The following AP2A2 variants were observed in gnomAD, a reference collection of about 807,000 sequenced individuals.
AP2A2 encodes the protein AP-2 complex subunit alpha-2.
Under a neutral mutation model 104.2 loss-of-function variants are expected in AP2A2, and 32 were observed. The ratio of observed to expected loss-of-function variants is 0.31; its 90% CI spans 0.23 to 0.41. AP2A2 has a LOEUF of 0.41. Among genes scored for constraint, AP2A2 ranks in the 10% least tolerant of loss-of-function variants. AP2A2 has a pLI of 1.00. For missense variants in AP2A2, 912 were observed against 1,261.0 expected (o/e 0.72, Z 4.19); for synonymous variants, 539 against 533.3 (o/e 1.01, Z -0.15).
chr11:953,602 C>CCCTGGCTCCGT (rs1225931439), intron 1 of AP2A2, among the ~76,000 whole-genome samples: 8 of 147,094 alleles, frequency 5.4e-5, no homozygotes, highest in Admixed American at 2.1e-4. Flanking sequence ...AGTTGGAAGT[C>CCCTGGCTCCGT]CCTGGCTCCG....
intron 1 of AP2A2, among the ~76,000 whole-genome samples, chr11:928,828 C>G (rs1307133962): frequency 1.3e-5 from 2 of 152,144 alleles, no homozygotes; most frequent in African/African-American, 4.8e-5. Context: ...GATGGCCTCT[C>G]ATCAGCTGCA....
chr11:993,466 C>A lies in AP2A2; in HGVS notation c.1550+85C>A. 2 of 1,134,420 alleles carry A rather than the reference C, an allele frequency of 1.8e-6. No homozygotes were observed. The highest frequency in any genetic ancestry group is 2.4e-6 in the Non-Finnish European group (2 of 823,000). The allele number at this position is 1,134,420 out of a possible 1,614,324, so 70.3% of individuals were successfully genotyped here. ...TGGCAAGAGGCGAGGCACCAGCTGG[C>A]CCTGCCGTGAGGCCTCGCAGAGCCG... On this transcript the variant is annotated intron_variant, in intron 12 of 21. Transcript: ENST00000448903. The surrounding 1 kb of genome is among the most constrained non-coding windows in gnomAD (Gnocchi z 8.2).
intron 9 of AP2A2, 68 bp from the exon 10 acceptor site, chr11:988,484 T>G: frequency 6.4e-7 from 1 of 1,570,534 alleles, no homozygotes; most frequent in Non-Finnish European, 8.6e-7. Context: ...GTGCCGAGCC[T>G]GTCCCCAGCC....
intron 1 of AP2A2, among the ~76,000 whole-genome samples, chr11:945,292 G>A (rs1853795369): frequency 6.6e-6 from 1 of 152,136 alleles, no homozygotes; most frequent in African/African-American, 2.4e-5. Flanking sequence ...TCCTGTCTAG[G>A]ATGTGGGCTG....
At chr11:926,155 G>A in intron 1 of AP2A2, 67 bp downstream of exon 1, 1 of 1,120,918 alleles carries the variant, frequency 8.9e-7, no homozygotes, top group Non-Finnish European at 1.1e-6. Flanking sequence ...TGGGAGCGGA[G>A]GCCCGGGGCG....
At chr11:971,332 G>C (rs963076878) in intron 3 of AP2A2, among the ~76,000 whole-genome samples, 11 of 152,228 alleles carry the variant, frequency 7.2e-5, no homozygotes, top group African/African-American at 2.2e-4. Context: ...AGGGAGAGCA[G>C]AGCAGGTGGT....
At chr11:978,120 C>T (rs934238417) in intron 5 of AP2A2, among the ~76,000 whole-genome samples, 2 of 152,144 alleles carry the variant, frequency 1.3e-5, no homozygotes, top group African/African-American at 4.8e-5. Flanking sequence ...GGGTCTTGGG[C>T]GTCAGAGAGT....
chr11:958,062 G>C (rs1015891676), intron 1 of AP2A2, among the ~76,000 whole-genome samples: 7 of 152,330 alleles, frequency 4.6e-5, no homozygotes, highest in African/African-American at 1.7e-4. Flanking sequence ...CCCAACCCCA[G>C]TGTGACTGGA....
At chr11:945,698 C>G (rs1416841761) in intron 1 of AP2A2, among the ~76,000 whole-genome samples, 1 of 152,234 alleles carries the variant, frequency 6.6e-6, no homozygotes, top group East Asian at 1.9e-4. Flanking sequence ...GGTCTGTAAT[C>G]CCAGCACTTT....
At chr11:940,956 C>G in intron 1 of AP2A2, 1 of 455,974 alleles carries the variant, frequency 2.2e-6, no homozygotes, top group Non-Finnish European at 4.4e-6. Context: ...TCTCACCCCT[C>G]GGGGAGTCTG....
At chr11:974,064 G>A (rs1294419847) in intron 4 of AP2A2, among the ~76,000 whole-genome samples, 1 of 152,240 alleles carries the variant, frequency 6.6e-6, no homozygotes, top group Non-Finnish European at 1.5e-5. Context: ...GTGAGGAGGG[G>A]TCTCCAGGGG....
chr11:965,324 A>T (rs1854574483), intron 2 of AP2A2, among the ~76,000 whole-genome samples: 1 of 152,206 alleles, frequency 6.6e-6, no homozygotes, highest in Non-Finnish European at 1.5e-5. Flanking sequence ...TGTGTAGGTA[A>T]CGCCAGTGTG....
At position 983,670 on chromosome 11, in the gene AP2A2, A is replaced by G. The variant is rs190871205; in HGVS notation, c.706-975A>G. ...AGTGCTGGGATTACAGGCGGGAGCC[A>G]CCGCACCTGGCCTAGTCTCTTTTTA... On this transcript the variant is annotated intron_variant, in intron 6 of 21. Coordinates refer to ENST00000448903, the MANE Select transcript of AP2A2 (RefSeq NM_012305.4). Among the ~76,000 whole-genome samples, 14 of 152,316 alleles carry G rather than the reference A, an allele frequency of 9.2e-5. No individual in the cohort carries two copies. The East Asian group carries it at 1.5e-3, about 17-fold the overall frequency.
chr11:998,205 C>T (rs1451241555), intron 14 of AP2A2, among the ~76,000 whole-genome samples: 3 of 152,212 alleles, frequency 2.0e-5, no homozygotes, highest in Non-Finnish European at 2.9e-5. Context: ...TGTGACCTCC[C>T]ACCCTTGGAG....
At position 1,010,452 on chromosome 11, in the gene AP2A2, T is replaced by A. The variant is rs1251272149; in HGVS notation, c.2743-96T>A. On this transcript the variant is annotated intron_variant, in intron 21 of 21. Coordinates refer to ENST00000448903, the MANE Select transcript of AP2A2 (RefSeq NM_012305.4). ...GTGGGTGCCTCCAGAGAGTGGTCCC[T>A]GGGCATGGCCCACAGGGTTCTGCAT... The A allele has an allele frequency of 1.4e-5, 14 of 1,000,314 alleles. No homozygotes were observed. In the East Asian group the frequency reaches 1.6e-4, roughly 11 times the overall value. 62.0% of individuals were successfully genotyped at this position (1,000,314 alleles called of 1,614,324 possible). A position where few individuals can be genotyped will look rare whatever the true frequency, so the allele number is the denominator to read the frequency against.
intron 1 of AP2A2, among the ~76,000 whole-genome samples, chr11:943,488 G>C (rs1853725059): frequency 6.6e-6 from 1 of 152,202 alleles, no homozygotes; most frequent in Admixed American, 6.5e-5. Context: ...GTCTGCTTGT[G>C]GATTTCATTT....
chr11:933,689 C>T, intron 1 of AP2A2: 1 of 455,726 alleles, frequency 2.2e-6, no homozygotes, highest in South Asian at 1.6e-5. Flanking sequence ...AGATGCCCAG[C>T]ACCAGGGTGG....
intron 4 of AP2A2, among the ~76,000 whole-genome samples, chr11:974,488 C>A (rs570359732): frequency 6.6e-6 from 1 of 152,156 alleles, no homozygotes; most frequent in East Asian, 1.9e-4. Context: ...TGAGACCAGC[C>A]CGGCCAACAT....
rs115937205 is a variant in AP2A2 at position 966,218 on chromosome 11, C to T, written c.137-3951C>T. 1.7e-3 allele frequency among the ~76,000 whole-genome samples: 260 copies of T among 152,344 alleles called. 1 individual carries two copies. The highest frequency in any genetic ancestry group is 6.1e-3 in the African/African-American group (253 of 41,588). ...ACATTAATTTGCTAAATAGGCCAGG[C>T]GCGGTGGCTCGTGCCTATAATCCTA... On this transcript the variant is annotated intron_variant, in intron 2 of 21. Coordinates refer to ENST00000448903, the MANE Select transcript of AP2A2 (RefSeq NM_012305.4).
Sources: gnomAD v4.1 joint callset for allele counts (sites outside exome capture counted in the v4.1 genomes callset) on GRCh38, gnomAD v4.1.1 for gene constraint, Gnocchi (gnomAD v3.1) non-coding constraint, MANE v1.5 for transcripts, NCBI Gene and HGNC (gene_info 2026-07-23, HGNC 2026-07-21) for gene names.